The following PLCB1 variants were observed in gnomAD, a reference collection of about 807,000 sequenced individuals.
PLCB1 encodes the protein phospholipase C beta 1, also known as 1-phosphatidylinositol 4,5-bisphosphate phosphodiesterase beta-1.
In PLCB1, 46 loss-of-function variants were observed where a neutral mutation model predicts 161.8. That is an observed-to-expected ratio of 0.28 (90% confidence interval 0.22 to 0.36). The LOEUF is 0.36. PLCB1 is among the 10% of genes least tolerant of loss of function. The pLI, the probability that PLCB1 is intolerant of heterozygous loss-of-function variation, is 1.00. For missense variants in PLCB1, 1,016 were observed against 1,472.5 expected (o/e 0.69, Z 5.07); for synonymous variants, 517 against 503.7 (o/e 1.03, Z -0.35).
At chr20:8,709,977 A>G (rs980974119) in intron 12 of PLCB1, among the ~76,000 whole-genome samples, 5 of 152,202 alleles carry the variant, frequency 3.3e-5, no homozygotes, top group African/African-American at 1.2e-4. Flanking sequence ...CTGCTTTGCA[A>G]TTGACTCTGT....
At chr20:8,205,230 ACTTTT>A (rs1978463743) in intron 2 of PLCB1, among the ~76,000 whole-genome samples, 1 of 152,180 alleles carries the variant, frequency 6.6e-6, no homozygotes, top group Non-Finnish European at 1.5e-5. Flanking sequence ...TTTCTTATCT[ACTTTT>A]CTTATCTGGT....
chr20:8,691,164 A>G (rs1179784864), intron 10 of PLCB1, among the ~76,000 whole-genome samples: 1 of 152,310 alleles, frequency 6.6e-6, no homozygotes, highest in Non-Finnish European at 1.5e-5. Flanking sequence ...AAACTAATGT[A>G]GAAGTCCTGT....
intron 9 of PLCB1, among the ~76,000 whole-genome samples, chr20:8,671,273 A>T (rs1568554585): frequency 6.6e-6 from 1 of 152,160 alleles, no homozygotes; most frequent in African/African-American, 2.4e-5. Context: ...GCATGTGTTT[A>T]GCTGTTTTTA....
In PLCB1 at chr20:8,689,786, C is replaced by T. The variant is rs190142289; in HGVS notation, c.1009+4708C>T. Among the ~76,000 whole-genome samples the T allele has an allele frequency of 2.7e-3, 408 of 151,036 alleles. 5 individuals are homozygous for T. Among genetic ancestry groups the T allele is most frequent in the Admixed American group, 0.023 (356 of 15,150 alleles). On this transcript the variant is annotated intron_variant, in intron 10 of 31. Transcript: ENST00000338037. Reference sequence around the variant, plus strand: ...ATTCATATGCCCTTCCTATGTATAACTTGTTAAACACAGATGTGGTAAAAA... The same window carrying T: ...ATTCATATGCCCTTCCTATGTATAATTTGTTAAACACAGATGTGGTAAAAA...
chr20:8,570,503 A>T (rs1225067121), intron 3 of PLCB1, among the ~76,000 whole-genome samples: 2 of 152,142 alleles, frequency 1.3e-5, no homozygotes, highest in Non-Finnish European at 2.9e-5. Context: ...TACCACGCTG[A>T]TTAATTTTTT....
In PLCB1 at chr20:8,774,647, G is replaced by A. The variant is rs139859188; in HGVS notation, c.3039G>A (p.Gln1013=). The part of the protein sequence containing the change: ...QKLIDLKDKQ[Q]QQLLNLRQEQ... ...TAATAGACTTGAAGGACAAACAACA[G>A]CAGCAGCTGCTTAATCTTCGGCAAG... The change falls in exon 27 of 32, where the codon CAG becomes CAA. Residue 1013 remains glutamine (Q), a synonymous_variant. Coordinates refer to ENST00000338037, the MANE Select transcript of PLCB1 (RefSeq NM_015192.4). 125 of 1,613,834 alleles carry A rather than the reference G, an allele frequency of 7.7e-5. No homozygotes were observed. In the African/African-American group the frequency reaches 1.4e-3, roughly 18 times the overall value.
intron 3 of PLCB1, among the ~76,000 whole-genome samples, chr20:8,555,222 C>A (rs947038063): frequency 6.6e-6 from 1 of 151,980 alleles, no homozygotes; most frequent in Admixed American, 6.6e-5. Context: ...GACTTCACCA[C>A]CAACCCTCAT....
At chr20:8,553,372 C>T (rs1985836843) in intron 3 of PLCB1, among the ~76,000 whole-genome samples, 1 of 152,128 alleles carries the variant, frequency 6.6e-6, no homozygotes, top group African/African-American at 2.4e-5. Context: ...ATGATATCAA[C>T]ACAGCTCCAA....
chr20:8,164,856 A>G (rs2051659919), intron 2 of PLCB1, among the ~76,000 whole-genome samples: 1 of 152,230 alleles, frequency 6.6e-6, no homozygotes, highest in Non-Finnish European at 1.5e-5. Context: ...TTTCAGTTCC[A>G]TGAATGAATC....
At chr20:8,283,571 CAATA>C (rs1416690093) in intron 2 of PLCB1, among the ~76,000 whole-genome samples, 1 of 132,102 alleles carries the variant, frequency 7.6e-6, no homozygotes, top group Admixed American at 7.8e-5. Flanking sequence ...ATAAATCAAT[CAATA>C]AATAAAATAA....
At chr20:8,423,623 GAATA>G (rs1269446031) in intron 3 of PLCB1, among the ~76,000 whole-genome samples, 1 of 152,150 alleles carries the variant, frequency 6.6e-6, no homozygotes, top group African/African-American at 2.4e-5. Flanking sequence ...CTGCTTTTAA[GAATA>G]CTCAGAAGCT....
intron 26 of PLCB1, among the ~76,000 whole-genome samples, chr20:8,769,231 A>G (rs1600311536): frequency 2.0e-5 from 3 of 152,142 alleles, no homozygotes; most frequent in Admixed American, 2.0e-4. Context: ...GCTCTTAAGT[A>G]TCTTTAAACA....
At chr20:8,377,667 G>C (rs1375944174) in intron 3 of PLCB1, among the ~76,000 whole-genome samples, 2 of 152,164 alleles carry the variant, frequency 1.3e-5, no homozygotes, top group Admixed American at 6.5e-5. Flanking sequence ...TGGATGTGAA[G>C]TATGAGCAAA....
At chr20:8,539,497 G>A (rs1413503394) in intron 3 of PLCB1, among the ~76,000 whole-genome samples, 1 of 152,064 alleles carries the variant, frequency 6.6e-6, no homozygotes, top group African/African-American at 2.4e-5. Flanking sequence ...TGATTAACAA[G>A]TTAAAACGTC....
intron 31 of PLCB1, among the ~76,000 whole-genome samples, chr20:8,815,333 G>C (rs1985035007): frequency 6.6e-6 from 1 of 152,152 alleles, no homozygotes; most frequent in Non-Finnish European, 1.5e-5. Context: ...TTTTCCCACT[G>C]GACAGACTTC....
rs374258684 is a variant in PLCB1 at position 8,717,847 on chromosome 20, C to T, written c.1512C>T (p.Ala504=). ...SSMFEPSSPG[A]GEADTESDDD... is the part of the protein sequence containing the mutation. The stretch of plus-strand genomic sequence containing the variant: ...TGTTCGAGCCCTCATCCCCAGGAGC[C>T]GGTGAGGGGCTGGTGGGCTCTCCCC... Residue 504 remains alanine (A), a splice_region_variant and synonymous_variant, in exon 14 of 32, where the codon GCC becomes GCT. Coordinates refer to ENST00000338037, the MANE Select transcript of PLCB1 (RefSeq NM_015192.4). 15 of 1,604,574 alleles carry T rather than the reference C, an allele frequency of 9.3e-6. No individual in the cohort carries two copies. In the East Asian group the frequency reaches 1.1e-4, roughly 12 times the overall value.
intron 3 of PLCB1, among the ~76,000 whole-genome samples, chr20:8,485,156 G>C (rs2086019664): frequency 6.6e-6 from 1 of 152,188 alleles, no homozygotes; most frequent in African/African-American, 2.4e-5. Context: ...TTGTACAGGA[G>C]ATACTCTTAT....
At chr20:8,810,419 G>C (rs1218070687) in intron 31 of PLCB1, among the ~76,000 whole-genome samples, 1 of 152,034 alleles carries the variant, frequency 6.6e-6, no homozygotes, top group African/African-American at 2.4e-5. Context: ...ATTTTGGGAG[G>C]CTGGTATGAG....
intron 3 of PLCB1, among the ~76,000 whole-genome samples, chr20:8,383,538 G>A (rs767514240): frequency 3.3e-5 from 5 of 152,098 alleles, no homozygotes; most frequent in Non-Finnish European, 7.4e-5. Context: ...TTATATTTAA[G>A]GTTAGTATGG....
Sources: allele counts gnomAD v4.1 joint callset (sites outside exome capture counted in the v4.1 genomes callset), GRCh38; gene constraint gnomAD v4.1.1; transcripts MANE v1.5; gene names NCBI Gene and HGNC (gene_info 2026-07-23, HGNC 2026-07-21).